The following TMEM135 variants were observed in gnomAD, a reference collection of about 807,000 sequenced individuals.
The protein encoded by TMEM135 is transmembrane protein 135.
A neutral mutation model predicts 60.3 loss-of-function variants in TMEM135; 30 were observed. The ratio of observed to expected loss-of-function variants is 0.50; its 90% CI spans 0.37 to 0.68. TMEM135 has a LOEUF of 0.68. TMEM135 is among the 30% of genes least tolerant of loss of function. The pLI is 0.00. For missense variants in TMEM135, 468 were observed against 548.8 expected, an observed-to-expected ratio of 0.85 and a Z score of 1.47; for synonymous variants, 190 against 186.7, an observed-to-expected ratio of 1.02 and a Z score of -0.14.
At chr11:87,187,090 T>G (rs1939672245) in intron 5 of TMEM135, among the ~76,000 whole-genome samples, 2 of 152,240 alleles carry the variant, frequency 1.3e-5, no homozygotes, top group African/African-American at 4.8e-5. Flanking sequence ...GTTCTCAAAC[T>G]TATTTTGACT....
At chr11:87,057,087 G>A (rs917199275) in intron 1 of TMEM135, among the ~76,000 whole-genome samples, 18 of 152,024 alleles carry the variant, frequency 1.2e-4, no homozygotes, top group Admixed American at 1.2e-3. Flanking sequence ...CAAAAATATT[G>A]GTATTACTCA....
At chr11:87,132,950 T>C (rs909048186) in intron 4 of TMEM135, among the ~76,000 whole-genome samples, 8 of 152,184 alleles carry the variant, frequency 5.3e-5, no homozygotes, top group Non-Finnish European at 1.0e-4. Context: ...TTGTGCACTT[T>C]GGGGCCATTA....
intron 4 of TMEM135, among the ~76,000 whole-genome samples, chr11:87,113,058 T>C (rs1857794243): frequency 6.6e-6 from 1 of 152,070 alleles, no homozygotes; most frequent in South Asian, 2.1e-4. Context: ...TATAAATGGC[T>C]TAAATGTATA....
chr11:87,181,540 T>C (rs1025869452), intron 5 of TMEM135, among the ~76,000 whole-genome samples: 1 of 152,102 alleles, frequency 6.6e-6, no homozygotes, highest in African/African-American at 2.4e-5. Context: ...AAGCAAAAAC[T>C]GTAGACATGG....
At chr11:87,242,208 T>C (rs1006647966) in intron 6 of TMEM135, among the ~76,000 whole-genome samples, 3 of 151,630 alleles carry the variant, frequency 2.0e-5, no homozygotes, top group African/African-American at 7.3e-5. Flanking sequence ...TGCATAGTAT[T>C]CCATGGTGTA....
intron 4 of TMEM135, chr11:87,121,725 C>A (rs2135216609): frequency 6.8e-6 from 1 of 147,052 alleles, no homozygotes; most frequent in Non-Finnish European, 1.5e-5. Context: ...ACTGCAACCT[C>A]CACCTCCTGG....
intron 2 of TMEM135, among the ~76,000 whole-genome samples, chr11:87,068,730 A>G (rs2374995): frequency 0.47 from 70,234 of 150,382 alleles, 17,182 homozygotes; most frequent in East Asian, 0.64. Context: ...AGAATGGCAT[A>G]AACCCGGGAG....
At chr11:87,117,546 CCT>C (rs1365213395) in intron 4 of TMEM135, among the ~76,000 whole-genome samples, 2 of 152,172 alleles carry the variant, frequency 1.3e-5, no homozygotes, top group African/African-American at 2.4e-5. Context: ...TTTCAAGAAA[CCT>C]CTTTTTTTGC....
chr11:87,145,673 T>C (rs1938394658), intron 4 of TMEM135, among the ~76,000 whole-genome samples: 1 of 141,556 alleles, frequency 7.1e-6, no homozygotes, highest in East Asian at 2.4e-4. Flanking sequence ...ATTTCTCTGC[T>C]AATTTCTGAT....
In TMEM135 at chr11:87,165,860, A is replaced by AG. The variant is rs1295908540; in HGVS notation, c.462+8454_462+8455insG. On this transcript the variant is annotated intron_variant, in intron 5 of 14. Transcript: ENST00000305494. The stretch of plus-strand genomic sequence containing the variant: ...GACCGCTAGTAAGACTAATAAAGAA[A>AG]AAAGAGAGAAGAATCTAATAGACGC... 3.3e-4 allele frequency among the ~76,000 whole-genome samples: 49 copies of AG among 150,074 alleles called. 1 individual carries two copies. Among genetic ancestry groups the AG allele is most frequent in the South Asian group, 1.1e-3 (5 of 4,702 alleles).
chr11:87,252,969 T>A (rs1941450207), intron 6 of TMEM135, among the ~76,000 whole-genome samples: 1 of 151,986 alleles, frequency 6.6e-6, no homozygotes, highest in African/African-American at 2.4e-5. Context: ...AGAAGAAGTA[T>A]TGAGATTGTT....
chr11:87,304,395 G>GA (rs1033983946), intron 8 of TMEM135, among the ~76,000 whole-genome samples: 15 of 150,674 alleles, frequency 1.0e-4, no homozygotes, highest in African/African-American at 3.6e-4. Context: ...AAAAAAAAAG[G>GA]AAACTTAACA....
chr11:87,117,499 A>G (rs747936632), intron 4 of TMEM135, among the ~76,000 whole-genome samples: 6 of 152,322 alleles, frequency 3.9e-5, no homozygotes, highest in Middle Eastern at 3.4e-3. Context: ...TGTCATTTCA[A>G]TAATGTCCAC....
intron 5 of TMEM135, among the ~76,000 whole-genome samples, chr11:87,213,797 G>A (rs920749150): frequency 1.3e-5 from 2 of 152,172 alleles, no homozygotes; most frequent in Non-Finnish European, 2.9e-5. Flanking sequence ...TGAATAGAAG[G>A]TCATTTGTGG....
At chr11:87,100,094 AG>A (rs1311937445) in intron 4 of TMEM135, among the ~76,000 whole-genome samples, 1 of 152,232 alleles carries the variant, frequency 6.6e-6, no homozygotes, top group Non-Finnish European at 1.5e-5. Context: ...AACTTTTTTG[AG>A]GGGGTACATT....
At chr11:87,311,534 G>A (rs1157791862) in intron 10 of TMEM135, among the ~76,000 whole-genome samples, 1 of 151,910 alleles carries the variant, frequency 6.6e-6, no homozygotes, top group Non-Finnish European at 1.5e-5. Flanking sequence ...TTAGCCCCAG[G>A]TTGGTTATTC....
chr11:87,156,647 C>T (rs1372555105), intron 4 of TMEM135, among the ~76,000 whole-genome samples: 1 of 151,416 alleles, frequency 6.6e-6, no homozygotes, highest in Non-Finnish European at 1.5e-5. Flanking sequence ...ATTTCCTTTT[C>T]TGATTGTTCA....
chr11:87,250,804 G>C (rs1422551258), intron 6 of TMEM135, among the ~76,000 whole-genome samples: 1 of 152,176 alleles, frequency 6.6e-6, no homozygotes, highest in Non-Finnish European at 1.5e-5. Context: ...AGAGTTAGGA[G>C]ATGTGCCTTA....
At chr11:87,149,944 C>T (rs747581106) in intron 4 of TMEM135, among the ~76,000 whole-genome samples, 44 of 152,048 alleles carry the variant, frequency 2.9e-4, no homozygotes, top group Non-Finnish European at 5.1e-4. Flanking sequence ...TGGCTGGGCG[C>T]GGTGGTGCAC....
Sources: allele counts gnomAD v4.1 joint callset (sites outside exome capture counted in the v4.1 genomes callset), GRCh38; gene constraint gnomAD v4.1.1; transcripts MANE v1.5; gene names NCBI Gene and HGNC (gene_info 2026-07-23, HGNC 2026-07-21).